The following SHISA5 variants were observed in gnomAD, a reference collection of about 807,000 sequenced individuals.
SHISA5 encodes the protein protein shisa-5.
A neutral mutation model predicts 27.5 loss-of-function variants in SHISA5; 21 were observed. The ratio of observed to expected loss-of-function variants is 0.76; its 90% CI spans 0.54 to 1.10. The LOEUF is 1.10. Among genes scored for constraint, SHISA5 ranks in the 50% least tolerant of loss-of-function variants. The probability of loss-of-function intolerance (pLI) is 0.00; values close to 1 mark genes in which losing one functional copy is unlikely to be tolerated. For synonymous variants in SHISA5, 137 were observed against 142.2 expected, an observed-to-expected ratio of 0.96 and a Z score of 0.26; for missense variants, 314 against 336.3, an observed-to-expected ratio of 0.93 and a Z score of 0.52.
intron 1 of SHISA5, chr3:48,502,598 A>G (rs751201095): frequency 5.8e-6 from 2 of 342,706 alleles, no homozygotes; most frequent in Non-Finnish European, 5.8e-6. Context: ...AAGGTTTACA[A>G]ACCTCCAGGA....
chr3:48,485,345 A>G (rs1242952003), intron 2 of SHISA5, among the ~76,000 whole-genome samples: 1 of 151,062 alleles, frequency 6.6e-6, no homozygotes, highest in Non-Finnish European at 1.5e-5. Flanking sequence ...AAAATACAAA[A>G]TTAGCCAAGC....
Position 48,479,363 on chromosome 3 carries a change from G to A in SHISA5, c.234-106C>T, listed in dbSNP as rs549546061. Reference sequence around the variant, plus strand: ...ACGTGCACAGAAGCTACTATGAACCGGTGGCTTCAATGGCCTTCCAGAGGT... The same window carrying A: ...ACGTGCACAGAAGCTACTATGAACCAGTGGCTTCAATGGCCTTCCAGAGGT... On this transcript the variant is annotated intron_variant, in intron 2 of 5. Transcript: ENST00000296444. 8.1e-5 allele frequency: 91 copies of A among 1,118,842 alleles called. 3 individuals carry two copies. In the Middle Eastern group the frequency reaches 8.3e-3, roughly 102 times the overall value. 69.3% of individuals were successfully genotyped at this position (1,118,842 alleles called of 1,614,324 possible).
In SHISA5 at chr3:48,493,692, C is replaced by T. The variant is rs1009193145; in HGVS notation, c.233+7445G>A. Among the ~76,000 whole-genome samples the T allele has an allele frequency of 1.7e-4, 25 of 144,974 alleles. 2 individuals carry two copies. The highest frequency in any genetic ancestry group is 1.3e-3 in the Admixed American group (20 of 14,850). On this transcript the variant is annotated intron_variant, in intron 2 of 5. Coordinates refer to ENST00000296444, the MANE Select transcript of SHISA5 (RefSeq NM_016479.6). ...GATTACAGGTGTGTGCCACCACACCCGGCTAATTTTTCTATTTTTTAGTAG... is the reference window on the plus strand; with the variant it reads ...GATTACAGGTGTGTGCCACCACACCTGGCTAATTTTTCTATTTTTTAGTAG...
intron 1 of SHISA5, among the ~76,000 whole-genome samples, chr3:48,501,948 C>T (rs1487126811): frequency 4.6e-5 from 7 of 151,152 alleles, no homozygotes; most frequent in South Asian, 2.1e-4. Context: ...GCAATCTCTG[C>T]CTCCCAGATC....
Position 48,469,537 on chromosome 3 carries a change from T to G in SHISA5, c.467A>C (p.His156Pro). The G allele has an allele frequency of 6.2e-7, 1 of 1,612,642 alleles. No individual in the cohort carries two copies. The highest frequency in any genetic ancestry group is 8.5e-7 in the Non-Finnish European group (1 of 1,179,154). The change falls in exon 5 of 6, where the codon CAT becomes CCT. Residue 156 changes from histidine to proline, a missense_variant. Transcript: ENST00000296444. The surrounding 1 kb of genome is among the most constrained non-coding windows in gnomAD (Gnocchi z 4.6). ...VTTTTSTTVVHAPYPQPPSVP... is the reference protein window; with the variant it reads ...VTTTTSTTVVPAPYPQPPSVP... Reference sequence around the variant, plus strand: ...ACTTGGAGGCTGAGGATAAGGGGCATGCACCACAGTGGTGGATGTGGTGGT... The same window carrying G: ...ACTTGGAGGCTGAGGATAAGGGGCAGGCACCACAGTGGTGGATGTGGTGGT...
At chr3:48,472,319 C>A (rs2040660225) in intron 3 of SHISA5, among the ~76,000 whole-genome samples, 1 of 151,600 alleles carries the variant, frequency 6.6e-6, no homozygotes, top group Non-Finnish European at 1.5e-5. Flanking sequence ...GAAACCCCAT[C>A]TCTACTAAAA....
chr3:48,477,817 G>A (rs759711278), intron 3 of SHISA5, among the ~76,000 whole-genome samples: 1 of 152,156 alleles, frequency 6.6e-6, no homozygotes, highest in Non-Finnish European at 1.5e-5. Flanking sequence ...GCTGCTGAAT[G>A]TAAGTCTCCA....
intron 3 of SHISA5, among the ~76,000 whole-genome samples, chr3:48,471,804 A>ATG (rs2107293113): frequency 6.6e-6 from 1 of 151,784 alleles, no homozygotes; most frequent in African/African-American, 2.4e-5. Context: ...CTTGAACCCA[A>ATG]GGAGGCAGAG....
At position 48,483,700 on chromosome 3, in the gene SHISA5, G is replaced by A. The variant is rs1280174240; in HGVS notation, c.234-4443C>T. Among the ~76,000 whole-genome samples, 6 of 151,106 alleles carry A rather than the reference G, an allele frequency of 4.0e-5. No homozygotes were observed. The South Asian group carries it at 6.3e-4, about 16-fold the overall frequency. ...GCGCCCCTCACCTCCCGGACGGGGC[G>A]GCTGGCCGGGTGGGGGGCTGACCCC... On this transcript the variant is annotated intron_variant, in intron 2 of 5. Transcript: ENST00000296444.
intron 2 of SHISA5, among the ~76,000 whole-genome samples, chr3:48,489,570 C>T (rs2041357762): frequency 6.6e-6 from 1 of 151,348 alleles, no homozygotes. Context: ...GATCCGCCCG[C>T]CTCGGCCTCC....
intron 2 of SHISA5, among the ~76,000 whole-genome samples, chr3:48,497,976 C>T (rs866501315): frequency 1.6e-4 from 24 of 151,920 alleles, no homozygotes; most frequent in Middle Eastern, 6.8e-3. Context: ...CAATGGAAGC[C>T]GGGAGACAGT....
intron 2 of SHISA5, among the ~76,000 whole-genome samples, chr3:48,482,429 C>A (rs1001447123): frequency 1.3e-5 from 2 of 151,856 alleles, no homozygotes; most frequent in African/African-American, 4.8e-5. Context: ...AATAAAATAA[C>A]ATAATAACAT....
chr3:48,494,529 G>A lies in SHISA5; in HGVS notation c.233+6608C>T, dbSNP rs969032213. 9.2e-4 allele frequency among the ~76,000 whole-genome samples: 136 copies of A among 147,062 alleles called. 5 individuals carry two copies. In the South Asian group the frequency reaches 0.018, roughly 19 times the overall value. ...AGGATGGTCTCGATCTCCTGACCTC[G>A]TGATCCACCCCCCCTTGGCCTCCCA... On this transcript the variant is annotated intron_variant, in intron 2 of 5. Transcript: ENST00000296444.
chr3:48,483,841 C>T (rs1264582649), intron 2 of SHISA5, among the ~76,000 whole-genome samples: 1 of 150,936 alleles, frequency 6.6e-6, no homozygotes, highest in Non-Finnish European at 1.5e-5. Flanking sequence ...CCCTCCCGGA[C>T]AGGGCGGCTG....
rs1474305442 is a variant in SHISA5, at chr3:48,469,108, C to CA, written c.721dup (p.Ter241LeufsTer80). On this transcript the variant is annotated frameshift_variant and stop_lost, in exon 6 of 6. Transcript: ENST00000296444. LOFTEE classifies it high-confidence loss of function. This position sits in a 1 kb window ranked among gnomAD's most constrained non-coding sequence, Gnocchi z 4.6. ...GCAGCCAGAGAGGCCAGGGAATGCT[C>CA]AGAGGGCCGCCTTCGGGGCATCCAT... The CA allele has an allele frequency of 2.5e-6, 4 of 1,613,018 alleles. No homozygotes were observed. The highest frequency in any genetic ancestry group is 2.5e-6 in the Non-Finnish European group (3 of 1,180,012).
intron 2 of SHISA5, among the ~76,000 whole-genome samples, chr3:48,487,382 C>T (rs1025326067): frequency 6.6e-6 from 1 of 151,834 alleles, no homozygotes; most frequent in African/African-American, 2.4e-5. Context: ...ACAGTTTATA[C>T]GTTTTAATGT....
chr3:48,503,329 C>T (rs1345665406), intron 1 of SHISA5: 4 of 470,704 alleles, frequency 8.5e-6, no homozygotes, highest in Non-Finnish European at 1.6e-5. Context: ...GCACAAGTCT[C>T]CCCTTTCTCA....
chr3:48,469,080 G>C lies in SHISA5; in HGVS notation c.*27C>G, dbSNP rs1462116071. 1.9e-6 allele frequency: 3 copies of C among 1,612,412 alleles called. No individual in the cohort carries two copies. The highest frequency in any genetic ancestry group is 1.7e-5 in the Admixed American group (1 of 60,020). ...TCACGCACACACACAACATAACCAAGTGGCAGCCAGAGAGGCCAGGGAATG... is the reference window on the plus strand; with the variant it reads ...TCACGCACACACACAACATAACCAACTGGCAGCCAGAGAGGCCAGGGAATG... On this transcript the variant is annotated 3_prime_UTR_variant, in exon 6 of 6. Coordinates refer to ENST00000296444, the MANE Select transcript of SHISA5 (RefSeq NM_016479.6). This position sits in a 1 kb window ranked among gnomAD's most constrained non-coding sequence, Gnocchi z 4.6.
chr3:48,473,589 C>A lies in SHISA5; in HGVS notation c.315-3746G>T. On this transcript the variant is annotated intron_variant, in intron 3 of 5. Transcript: ENST00000296444. The surrounding 1 kb of genome is among the most constrained non-coding windows in gnomAD (Gnocchi z 4.3). ...CCAGCACTCTCTCCAATCTGTCTCCCCATGTTCTCCCGGCCACCCTACTGG... is the reference window on the plus strand; with the variant it reads ...CCAGCACTCTCTCCAATCTGTCTCCACATGTTCTCCCGGCCACCCTACTGG... The A allele has an allele frequency of 8.1e-7, 1 of 1,235,748 alleles. No homozygotes were observed. The highest frequency in any genetic ancestry group is 1.4e-5 in the South Asian group (1 of 73,794). The allele number at this position is 1,235,748 out of a possible 1,614,324, so 76.5% of individuals were successfully genotyped here.
Sources: gnomAD v4.1 joint callset for allele counts (sites outside exome capture counted in the v4.1 genomes callset) on GRCh38, gnomAD v4.1.1 for gene constraint, Gnocchi (gnomAD v3.1) non-coding constraint, MANE v1.5 for transcripts, NCBI Gene and HGNC (gene_info 2026-07-23, HGNC 2026-07-21) for gene names.